Variants in CWC27 observed in about 807,000 individuals in gnomAD.
CWC27 encodes the protein CWC27 spliceosome associated cyclophilin, also known as spliceosome-associated protein CWC27 homolog.
CWC27 carries 47 observed loss-of-function variants against 63.6 expected under a neutral mutation model. The observed-to-expected ratio is 0.74, with a 90% CI of 0.58 to 0.94. The LOEUF (loss-of-function observed/expected upper bound fraction) is 0.94. Among genes scored for constraint, CWC27 ranks in the 40% least tolerant of loss-of-function variants. The probability of loss-of-function intolerance (pLI) is 0.00; values close to 1 mark genes in which losing one functional copy is unlikely to be tolerated. For missense variants in CWC27, 495 were observed against 554.3 expected (o/e 0.89, Z 1.07); for synonymous variants, 175 against 179.8 (o/e 0.97, Z 0.22).
At position 64,886,121 on chromosome 5, in the gene CWC27, A is replaced by G. The variant is rs571218945; in HGVS notation, c.1042+575A>G. On this transcript the variant is annotated intron_variant, in intron 11 of 13. Coordinates refer to ENST00000381070, the MANE Select transcript of CWC27 (RefSeq NM_005869.4). ...CATAGAAAGTCTAAAGTATTGATAAAGCTGATCAAAATAACATCTTGCTGT... is the reference window on the plus strand; with the variant it reads ...CATAGAAAGTCTAAAGTATTGATAAGGCTGATCAAAATAACATCTTGCTGT... Among the ~76,000 whole-genome samples, 16 of 152,210 alleles carry G rather than the reference A, an allele frequency of 1.1e-4. No individual in the cohort carries two copies. The East Asian group carries it at 2.7e-3, about 26-fold the overall frequency.
Position 64,785,471 on chromosome 5 carries a change from A to T in CWC27, c.397-10A>T. ...TAATTTTCAATTACATTATATTTTT[A>T]ATTTGATAGGTTACAGGGGATACAG... On this transcript the variant is annotated splice_polypyrimidine_tract_variant and intron_variant, in intron 4 of 13. Coordinates refer to ENST00000381070, the MANE Select transcript of CWC27 (RefSeq NM_005869.4). 1 of 1,271,992 alleles carries T rather than the reference A, an allele frequency of 7.9e-7. No individual in the cohort carries two copies. The highest frequency in any genetic ancestry group is 1.0e-6 in the Non-Finnish European group (1 of 974,208). The allele number at this position is 1,271,992 out of a possible 1,614,324, so 78.8% of individuals were successfully genotyped here.
At chr5:64,905,760 T>C (rs576873640) in intron 11 of CWC27, among the ~76,000 whole-genome samples, 2 of 152,220 alleles carry the variant, frequency 1.3e-5, no homozygotes, top group East Asian at 3.9e-4. Flanking sequence ...ATATGTGCCA[T>C]GTTGGTTTGC....
At chr5:64,985,179 G>T (rs1749402774) in intron 13 of CWC27, among the ~76,000 whole-genome samples, 2 of 152,062 alleles carry the variant, frequency 1.3e-5, no homozygotes, top group Non-Finnish European at 2.9e-5. Flanking sequence ...GATTACAACA[G>T]ATTTATGGTA....
chr5:64,974,000 C>G (rs1749174550), intron 12 of CWC27, among the ~76,000 whole-genome samples: 1 of 150,812 alleles, frequency 6.6e-6, no homozygotes, highest in African/African-American at 2.4e-5. Flanking sequence ...TTTGGGAGGC[C>G]AAGATGGGAG....
chr5:64,817,093 C>T (rs1020337933), intron 10 of CWC27, among the ~76,000 whole-genome samples: 4 of 152,014 alleles, frequency 2.6e-5, no homozygotes, highest in African/African-American at 7.2e-5. Flanking sequence ...ATGTTTTGGC[C>T]GTGCTATTAC....
chr5:64,874,154 C>CTTTTT (rs748768571), intron 10 of CWC27, among the ~76,000 whole-genome samples: 1 of 48,776 alleles, frequency 2.1e-5, no homozygotes, highest in Admixed American at 3.4e-4. Flanking sequence ...ATTGTTGATG[C>CTTTTT]TTTTTTTTTT....
chr5:64,853,975 C>A (rs1355214900), intron 10 of CWC27, among the ~76,000 whole-genome samples: 3 of 152,234 alleles, frequency 2.0e-5, no homozygotes, highest in Non-Finnish European at 4.4e-5. Context: ...CCTCATTTCC[C>A]TGTGCCCTCA....
At chr5:64,966,665 T>C (rs1749018716) in intron 11 of CWC27, among the ~76,000 whole-genome samples, 1 of 152,124 alleles carries the variant, frequency 6.6e-6, no homozygotes. Flanking sequence ...GCATCTCCTA[T>C]ACTGGAAACT....
At chr5:65,016,979 T>C (rs1561190204) in intron 13 of CWC27, among the ~76,000 whole-genome samples, 1 of 152,178 alleles carries the variant, frequency 6.6e-6, no homozygotes. Context: ...GAAAAGTGTG[T>C]ATAGGATATA....
chr5:64,804,315 A>T lies in CWC27; in HGVS notation c.867A>T (p.Leu289Phe), dbSNP rs140234898. 108 of 1,612,678 alleles carry T rather than the reference A, an allele frequency of 6.7e-5. No individual in the cohort carries two copies. Among genetic ancestry groups the T allele is most frequent in the Admixed American group, 2.2e-4 (13 of 59,868 alleles). ...TGAGAGAAAGAATTGCCAAAAAATT[A>T]AAAAAGGACACAAGTGCGAATGTTA... ...NLMRERIAKK[L>F]KKDTSANVKS... The change falls in exon 10 of 14, where the codon TTA becomes TTT. Residue 289 changes from leucine to phenylalanine, a missense_variant. Coordinates refer to ENST00000381070, the MANE Select transcript of CWC27 (RefSeq NM_005869.4).
intron 10 of CWC27, among the ~76,000 whole-genome samples, chr5:64,873,141 G>A (rs952247456): frequency 6.6e-6 from 1 of 152,158 alleles, no homozygotes; most frequent in Non-Finnish European, 1.5e-5. Flanking sequence ...AACACGGAAG[G>A]TGTACAAAAG....
At chr5:64,839,345 T>G (rs145885752) in intron 10 of CWC27, among the ~76,000 whole-genome samples, 1 of 152,192 alleles carries the variant, frequency 6.6e-6, no homozygotes, top group East Asian at 1.9e-4. Context: ...GGCTATAGTA[T>G]ACAGAAGTAT....
At chr5:64,997,635 G>A (rs1749658461) in intron 13 of CWC27, among the ~76,000 whole-genome samples, 1 of 151,938 alleles carries the variant, frequency 6.6e-6, no homozygotes, top group African/African-American at 2.4e-5. Flanking sequence ...ACCATTCTGA[G>A]ATAAAAAAAT....
At chr5:64,991,260 G>A (rs1749531472) in intron 13 of CWC27, among the ~76,000 whole-genome samples, 2 of 151,908 alleles carry the variant, frequency 1.3e-5, no homozygotes, top group South Asian at 4.1e-4. Context: ...AATACCACAG[G>A]AGGTAGTGGG....
intron 13 of CWC27, among the ~76,000 whole-genome samples, chr5:65,005,144 A>AGGCAG (rs1296785266): frequency 6.6e-6 from 1 of 151,870 alleles, no homozygotes; most frequent in Non-Finnish European, 1.5e-5. Context: ...TGGCAGTAGC[A>AGGCAG]GGCAGGGCAG....
intron 10 of CWC27, 92 bp downstream of exon 10, chr5:64,804,478 A>G (rs982881729): frequency 1.6e-6 from 2 of 1,257,784 alleles, no homozygotes; most frequent in Non-Finnish European, 2.1e-6. Context: ...TAATTTTTAA[A>G]ATACTATTTT....
intron 7 of CWC27, among the ~76,000 whole-genome samples, chr5:64,795,573 C>T (rs1744237376): frequency 6.6e-6 from 1 of 152,020 alleles, no homozygotes; most frequent in Non-Finnish European, 1.5e-5. Flanking sequence ...TTGGTGTGCC[C>T]CTTCTTCTAT....
intron 11 of CWC27, among the ~76,000 whole-genome samples, chr5:64,906,332 T>C (rs940561617): frequency 1.3e-5 from 2 of 152,166 alleles, no homozygotes; most frequent in Admixed American, 1.3e-4. Context: ...CCAATATCTG[T>C]TTTTTCCTGA....
At chr5:64,774,908 G>C (rs1320130892) in intron 2 of CWC27, 121 bp downstream of exon 2, 3 of 602,732 alleles carry the variant, frequency 5.0e-6, no homozygotes, top group African/African-American at 1.9e-5. Flanking sequence ...GTGTTGCTAT[G>C]AGGATATGGT....
Sources: allele counts gnomAD v4.1 joint callset (sites outside exome capture counted in the v4.1 genomes callset), GRCh38; gene constraint gnomAD v4.1.1; transcripts MANE v1.5; gene names NCBI Gene and HGNC (gene_info 2026-07-23, HGNC 2026-07-21).